Variants in RAB2A observed in about 807,000 individuals in gnomAD.
The protein encoded by RAB2A is ras-related protein Rab-2A.
RAB2A carries 7 observed loss-of-function variants against 32.5 expected under a neutral mutation model. That is an observed-to-expected ratio of 0.22 (90% CI 0.12 to 0.40). The LOEUF (loss-of-function observed/expected upper bound fraction) is 0.40, where lower values mean the gene tolerates loss of function less well. RAB2A is among the 10% of genes least tolerant of loss of function. The probability of loss-of-function intolerance (pLI) is 1.00; values close to 1 mark genes in which losing one functional copy is unlikely to be tolerated. For missense variants in RAB2A, 108 were observed against 260.7 expected, an observed-to-expected ratio of 0.41 and a Z score of 4.03; for synonymous variants, 79 against 85.2, an observed-to-expected ratio of 0.93 and a Z score of 0.40.
intron 1 of RAB2A, among the ~76,000 whole-genome samples, chr8:60,548,518 A>G (rs563645197): frequency 1.4e-5 from 1 of 70,250 alleles, no homozygotes; most frequent in Non-Finnish European, 2.5e-5. Context: ...CGGGGGGCTG[A>G]CCCCCCCACC....
chr8:60,603,193 G>T (rs900100400), intron 6 of RAB2A, among the ~76,000 whole-genome samples: 1 of 152,182 alleles, frequency 6.6e-6, no homozygotes, highest in Non-Finnish European at 1.5e-5. Flanking sequence ...CCTCTTAAAA[G>T]ATTTTTTAGA....
chr8:60,593,980 A>T (rs758835804), intron 6 of RAB2A, among the ~76,000 whole-genome samples: 16 of 152,250 alleles, frequency 1.1e-4, no homozygotes, highest in African/African-American at 3.8e-4. Context: ...TTTGTACACT[A>T]GAAAAAAAAA....
chr8:60,564,743 A>G (rs1280065054), intron 2 of RAB2A, among the ~76,000 whole-genome samples: 3 of 152,208 alleles, frequency 2.0e-5, no homozygotes, highest in Admixed American at 2.0e-4. Flanking sequence ...TTAACATTTT[A>G]AACAAGTAAA....
chr8:60,530,990 T>C (rs1360109843), intron 1 of RAB2A, among the ~76,000 whole-genome samples: 1 of 152,238 alleles, frequency 6.6e-6, no homozygotes, highest in Non-Finnish European at 1.5e-5. Context: ...AAATTTTCTG[T>C]TTCTAAAACA....
At chr8:60,590,047 C>T (rs1366920554) in intron 5 of RAB2A, among the ~76,000 whole-genome samples, 6 of 151,798 alleles carry the variant, frequency 4.0e-5, no homozygotes, top group Non-Finnish European at 7.4e-5. Context: ...CTGCAACCTC[C>T]GCCTCCCAGG....
At chr8:60,586,452 A>G (rs1803849666) in intron 5 of RAB2A, among the ~76,000 whole-genome samples, 1 of 152,170 alleles carries the variant, frequency 6.6e-6, no homozygotes, top group Non-Finnish European at 1.5e-5. Flanking sequence ...AATAAAATAG[A>G]TACTGATCAG....
At chr8:60,585,286 TG>T (rs2130849640) in intron 5 of RAB2A, among the ~76,000 whole-genome samples, 1 of 81,818 alleles carries the variant, frequency 1.2e-5, no homozygotes, top group South Asian at 4.8e-4. Flanking sequence ...CCATTCTTTT[TG>T]TTTTGTTTTG....
intron 1 of RAB2A, among the ~76,000 whole-genome samples, chr8:60,523,427 G>T (rs886997248): frequency 6.6e-6 from 1 of 151,408 alleles, no homozygotes; most frequent in African/African-American, 2.4e-5. Flanking sequence ...AAAATGCTGG[G>T]ATTACAGGCA....
intron 1 of RAB2A, among the ~76,000 whole-genome samples, chr8:60,554,146 T>C (rs918818722): frequency 2.0e-5 from 3 of 152,208 alleles, no homozygotes; most frequent in Admixed American, 6.5e-5. Context: ...AGTGAGTTAA[T>C]TGTATCTGCA....
At chr8:60,529,606 C>T (rs1229179825) in intron 1 of RAB2A, among the ~76,000 whole-genome samples, 1 of 152,110 alleles carries the variant, frequency 6.6e-6, no homozygotes, top group Non-Finnish European at 1.5e-5. Flanking sequence ...TTGGTTCATA[C>T]TTGCTTTGTT....
chr8:60,609,346 A>G (rs1804294909), intron 6 of RAB2A, among the ~76,000 whole-genome samples: 1 of 152,120 alleles, frequency 6.6e-6, no homozygotes, highest in African/African-American at 2.4e-5. Context: ...CACACACAAC[A>G]TCTGAATTGA....
intron 1 of RAB2A, among the ~76,000 whole-genome samples, chr8:60,526,278 T>C (rs988958951): frequency 5.9e-5 from 9 of 152,052 alleles, no homozygotes; most frequent in Non-Finnish European, 1.0e-4. Flanking sequence ...CCCCGTTTCC[T>C]TCCTGGCTAT....
intron 6 of RAB2A, among the ~76,000 whole-genome samples, chr8:60,615,183 A>T (rs901586630): frequency 6.6e-6 from 1 of 152,194 alleles, no homozygotes; most frequent in Non-Finnish European, 1.5e-5. Context: ...AGAAACCAGC[A>T]ATTTCATGTA....
chr8:60,584,122 C>G, intron 3 of RAB2A, 86 bp from the exon 4 acceptor site: 1 of 1,111,396 alleles, frequency 9.0e-7, no homozygotes, highest in Non-Finnish European at 1.4e-6. Flanking sequence ...TCCTTCCCTA[C>G]CTGCTCTTAT....
chr8:60,539,715 G>A (rs1000329768), intron 1 of RAB2A, among the ~76,000 whole-genome samples: 4 of 152,218 alleles, frequency 2.6e-5, no homozygotes, highest in Non-Finnish European at 5.9e-5. Flanking sequence ...CTGGAAGAAA[G>A]TATGGCATTT....
At chr8:60,584,037 C>G (rs1586097312) in intron 3 of RAB2A, 171 bp from the exon 4 acceptor site, 1 of 557,778 alleles carries the variant, frequency 1.8e-6, no homozygotes, top group Non-Finnish European at 3.3e-6. Flanking sequence ...CTTGAGCAAT[C>G]TTGAGCAATA....
chr8:60,526,354 C>T (rs927541672), intron 1 of RAB2A, among the ~76,000 whole-genome samples: 6 of 152,056 alleles, frequency 3.9e-5, no homozygotes, highest in African/African-American at 1.4e-4. Context: ...CCCATGGCCC[C>T]CTTCCTCCAT....
intron 6 of RAB2A, among the ~76,000 whole-genome samples, chr8:60,610,140 T>C (rs1237692926): frequency 5.3e-5 from 8 of 151,986 alleles, no homozygotes; most frequent in Admixed American, 5.2e-4. Context: ...CTTATGCTTA[T>C]GCTGCTGAAG....
rs182395875 is a variant in RAB2A, at chr8:60,535,392, A to T, written c.46+18139A>T. On this transcript the variant is annotated intron_variant, in intron 1 of 7. Coordinates refer to ENST00000262646, the MANE Select transcript of RAB2A (RefSeq NM_002865.3). ...CCTTCCAGAAATTTTCTGTACCTCT[A>T]TAAGCCTGTGTGTGTGTACATGTGT... Among the ~76,000 whole-genome samples, 302 of 152,334 alleles carry T rather than the reference A, an allele frequency of 2.0e-3. 2 individuals carry two copies. Among genetic ancestry groups the T allele is most frequent in the African/African-American group, 5.9e-3 (247 of 41,584 alleles).
Sources: allele counts gnomAD v4.1 joint callset (sites outside exome capture counted in the v4.1 genomes callset), GRCh38; gene constraint gnomAD v4.1.1; transcripts MANE v1.5; gene names NCBI Gene and HGNC (gene_info 2026-07-23, HGNC 2026-07-21).